The following DNAAF5 variants were observed in gnomAD, a reference collection of about 807,000 sequenced individuals.
The protein encoded by DNAAF5 is HEAT repeat containing 2.
DNAAF5 carries 64 observed loss-of-function variants against 75.8 expected under a neutral mutation model. That is an observed-to-expected ratio of 0.84 (90% CI 0.69 to 1.04). The LOEUF is 1.04. Ranked by LOEUF, DNAAF5 falls within the 50% of genes least tolerant of loss-of-function variation. The pLI is 0.00. For missense variants in DNAAF5, 1,269 were observed against 1,178.5 expected (o/e 1.08, Z -1.12); for synonymous variants, 657 against 557.2 (o/e 1.18, Z -2.52).
In DNAAF5 at chr7:775,100, A is replaced by C. The variant is rs1332012675; in HGVS notation, c.2177A>C (p.Asn726Thr). ...CGACTGATCTCATGCCGTATTATCA[A>C]CACGTTCTTAAAAACCTCGGGCGGC... The part of the protein sequence containing the change: ...MTRLISCRII[N>T]TFLKTSGGMT... Residue 726 changes from asparagine to threonine, a missense_variant, in exon 11 of 13, where the codon AAC becomes ACC. Transcript: ENST00000297440. The C allele has an allele frequency of 1.9e-6, 3 of 1,614,036 alleles. No homozygotes were observed. Among genetic ancestry groups the C allele is most frequent in the East Asian group, 2.2e-5 (1 of 44,892 alleles).
intron 8 of DNAAF5, among the ~76,000 whole-genome samples, chr7:768,060 CG>C (rs1778390994): frequency 2.1e-5 from 3 of 144,002 alleles, no homozygotes; most frequent in East Asian, 4.4e-4. Flanking sequence ...ACACGTGGTC[CG>C]GGCGGAAGTG....
rs1294117668 is a variant in DNAAF5, at chr7:756,833, C to T, written c.1309C>T (p.Leu437=). ...VGTFVSPEVF[L]KLILSTLKKT... ...GACGTTTGTCAGCCCTGAGGTGTTT[C>T]TGAAGCTGATCTTATCGACGCTGAA... is the stretch of plus-strand genomic sequence containing the variant. The change falls in exon 6 of 13, where the codon CTG becomes TTG. Residue 437 remains leucine (L), a synonymous_variant. Coordinates refer to ENST00000297440, the MANE Select transcript of DNAAF5 (RefSeq NM_017802.4). 5 of 1,613,922 alleles carry T rather than the reference C, an allele frequency of 3.1e-6. No individual in the cohort carries two copies. The African/African-American group carries it at 6.7e-5, about 22-fold the overall frequency.
chr7:731,640 A>C (rs1781587856), intron 2 of DNAAF5, among the ~76,000 whole-genome samples: 1 of 152,020 alleles, frequency 6.6e-6, no homozygotes, highest in Non-Finnish European at 1.5e-5. Context: ...GCCCAACACC[A>C]ATTCATAAAC....
chr7:785,540 C>G lies in DNAAF5; in HGVS notation c.2455C>G (p.Leu819Val). ...AGAGGTCCTCAAAGAGGGCAGCGGG[C>G]TGTTCCCAGATCTCCTGGTGAGGGA... ...ILEVLKEGSGLFPDLLVRETE... is the reference protein window; with the variant it reads ...ILEVLKEGSGVFPDLLVRETE... The change falls in exon 13 of 13, where the codon CTG (leucine) becomes GTG (valine). Residue 819 changes from leucine to valine, a missense_variant. Leu to Val is a conservative substitution (Grantham distance 32, BLOSUM62 1). Coordinates refer to ENST00000297440, the MANE Select transcript of DNAAF5 (RefSeq NM_017802.4). The G allele has an allele frequency of 6.2e-7, 1 of 1,613,770 alleles. No homozygotes were observed.
intron 6 of DNAAF5, among the ~76,000 whole-genome samples, chr7:760,086 GCTCTGAGGGAGACGGGGCCGCGCGGCTC>G (rs1383847242): frequency 1.7e-4 from 2 of 11,538 alleles, no homozygotes; most frequent in Admixed American, 9.9e-4. Context: ...GGCTCCTCCA[GCTCTGAGGGAGACGGGGCCGCGCGGCTC>G]CTCCAGCTCC....
chr7:775,453 G>A (rs1164837711), intron 11 of DNAAF5, among the ~76,000 whole-genome samples: 1 of 152,218 alleles, frequency 6.6e-6, no homozygotes, highest in Non-Finnish European at 1.5e-5. Flanking sequence ...AGCTGAGGCA[G>A]GAGGATCGCT....
In DNAAF5 at chr7:768,868, T is replaced by C. The variant is rs916264335; in HGVS notation, c.1784-1603T>C. The stretch of plus-strand genomic sequence containing the variant: ...ACTGTCTTGTTTCCAGTTTAAGATG[T>C]AGAGAGGGTGAAACAGTCAGAAACT... On this transcript the variant is annotated intron_variant, in intron 8 of 12. Transcript: ENST00000297440. 6.7e-6 allele frequency: 3 copies of C among 449,780 alleles called. No individual in the cohort carries two copies. The East Asian group carries it at 1.0e-4, about 15-fold the overall frequency. 27.9% of individuals were successfully genotyped at this position (449,780 alleles called of 1,614,324 possible).
chr7:780,826 C>CTTT lies in DNAAF5; in HGVS notation c.2431+694_2431+696dup, dbSNP rs201445917. Among the ~76,000 whole-genome samples the CTTT allele has an allele frequency of 3.0e-3, 390 of 131,252 alleles. 3 individuals carry two copies. Among genetic ancestry groups the CTTT allele is most frequent in the African/African-American group, 0.01 (365 of 35,532 alleles). The allele number at this position is 131,252 out of a possible 152,430, so 86.1% of individuals were successfully genotyped here. On this transcript the variant is annotated intron_variant, in intron 12 of 12. Transcript: ENST00000297440. Reference sequence around the variant, plus strand: ...AATGTAACGATTTGCTTTTTTTTTTCTTTTTTTTTTTTTTGTTTTGTTTTG... The same window carrying CTTT: ...AATGTAACGATTTGCTTTTTTTTTTCTTTTTTTTTTTTTTTTTGTTTTGTTTTG...
At chr7:729,566 G>A in intron 1 of DNAAF5, 97 bp from the exon 2 acceptor site, 1 of 1,158,168 alleles carries the variant, frequency 8.6e-7, no homozygotes, top group East Asian at 2.6e-5. Flanking sequence ...AGGGAGGTGA[G>A]GAACTCATAG....
intron 12 of DNAAF5, among the ~76,000 whole-genome samples, chr7:783,417 G>GGGCATGCTCTGCGTGCGACCACATGCCT (rs1234978148): frequency 6.6e-5 from 10 of 152,134 alleles, no homozygotes; most frequent in African/African-American, 2.4e-4. Context: ...CGGGCAGGCC[G>GGGCATGCTCTGCGTGCGACCACATGCCT]GGCATGCTCT....
intron 4 of DNAAF5, among the ~76,000 whole-genome samples, chr7:744,560 T>A (rs1207336807): frequency 1.3e-5 from 2 of 151,756 alleles, no homozygotes; most frequent in Non-Finnish European, 2.9e-5. Context: ...AAAATGCTCA[T>A]GATCACTGGC....
At position 740,968 on chromosome 7, in the gene DNAAF5, C is replaced by T. The variant is rs528067778; in HGVS notation, c.905+25C>T. 10 of 1,608,742 alleles carry T rather than the reference C, an allele frequency of 6.2e-6. No homozygotes were observed. In the Admixed American group the frequency reaches 1.0e-4, roughly 16 times the overall value. ...GGTACGTGGGCAGGCGGCCGCGGGCCTTGTCTTCCTAAACGGTCATGTGTA... is the reference window on the plus strand; with the variant it reads ...GGTACGTGGGCAGGCGGCCGCGGGCTTTGTCTTCCTAAACGGTCATGTGTA... On this transcript the variant is annotated intron_variant, in intron 3 of 12. Transcript: ENST00000297440.
At chr7:778,263 T>G (rs1778828589) in intron 11 of DNAAF5, 1 of 152,110 alleles carries the variant, frequency 6.6e-6, no homozygotes, top group Non-Finnish European at 1.5e-5. Context: ...CTGAGCGCAT[T>G]TGGGCATCTG....
chr7:770,894 G>A, intron 9 of DNAAF5: 1 of 392,708 alleles, frequency 2.5e-6, no homozygotes, highest in Non-Finnish European at 4.7e-6. Flanking sequence ...CCAAGTCTGA[G>A]GTGGGCGTGT....
chr7:739,231 C>T (rs1199416086), intron 2 of DNAAF5, among the ~76,000 whole-genome samples: 2 of 151,896 alleles, frequency 1.3e-5, no homozygotes, highest in African/African-American at 4.8e-5. Flanking sequence ...GTCTCAGCCA[C>T]GCCCTCTGCC....
At chr7:743,758 C>T (rs1260524588) in intron 4 of DNAAF5, among the ~76,000 whole-genome samples, 2 of 151,132 alleles carry the variant, frequency 1.3e-5, no homozygotes, top group African/African-American at 2.4e-5. Context: ...GATTCTCCTG[C>T]GTCAGCCTCC....
At chr7:778,747 T>C (rs984749445) in intron 11 of DNAAF5, 40 of 152,562 alleles carry the variant, frequency 2.6e-4, no homozygotes, top group African/African-American at 8.9e-4. Flanking sequence ...GCACCCACTG[T>C]GCAGCGAGGG....
At chr7:733,855 T>C (rs1477322466) in intron 2 of DNAAF5, among the ~76,000 whole-genome samples, 1 of 152,212 alleles carries the variant, frequency 6.6e-6, no homozygotes, top group Non-Finnish European at 1.5e-5. Context: ...AGGTATCTTA[T>C]TTTGTTTGTA....
At chr7:736,541 A>C (rs1296681397) in intron 2 of DNAAF5, among the ~76,000 whole-genome samples, 1 of 151,870 alleles carries the variant, frequency 6.6e-6, no homozygotes. Context: ...CTTGCTTTCC[A>C]TTTGTATGGA....
Sources: allele counts gnomAD v4.1 joint callset (sites outside exome capture counted in the v4.1 genomes callset), GRCh38; gene constraint gnomAD v4.1.1; transcripts MANE v1.5; gene names NCBI Gene and HGNC (gene_info 2026-07-23, HGNC 2026-07-21).